The following AUTS2 variants were observed in gnomAD, a reference collection of about 807,000 sequenced individuals.
The protein encoded by AUTS2 is activator of transcription and developmental regulator AUTS2.
In AUTS2, 17 loss-of-function variants were observed where a neutral mutation model predicts 112.4. The observed-to-expected ratio is 0.15, with a 90% CI of 0.10 to 0.23. The LOEUF (loss-of-function observed/expected upper bound fraction) is 0.23. Among genes scored for constraint, AUTS2 ranks in the 10% least tolerant of loss-of-function variants. The probability of loss-of-function intolerance (pLI) is 1.00; values close to 1 mark genes in which losing one functional copy is unlikely to be tolerated. For missense variants in AUTS2, 1,510 were observed against 1,701.6 expected, an observed-to-expected ratio of 0.89 and a Z score of 1.98; for synonymous variants, 751 against 702.7, an observed-to-expected ratio of 1.07 and a Z score of -1.09.
At chr7:70,059,679 A>T (rs1229763950) in intron 2 of AUTS2, among the ~76,000 whole-genome samples, 12 of 152,138 alleles carry the variant, frequency 7.9e-5, no homozygotes, top group Admixed American at 7.9e-4. Context: ...CTGGCACAGT[A>T]TGTGATTTTC....
intron 1 of AUTS2, among the ~76,000 whole-genome samples, chr7:69,638,339 A>G (rs1216050953): frequency 6.6e-6 from 1 of 152,198 alleles, no homozygotes; most frequent in Non-Finnish European, 1.5e-5. Flanking sequence ...AATTAAAGAC[A>G]TAGAAGTTCA....
At chr7:70,271,105 CCT>C (rs1787672857) in intron 4 of AUTS2, among the ~76,000 whole-genome samples, 1 of 152,038 alleles carries the variant, frequency 6.6e-6, no homozygotes, top group Admixed American at 6.6e-5. Context: ...ATGTCCTTGG[CCT>C]CTCTTCTGCA....
chr7:69,870,313 A>C (rs915503382), intron 1 of AUTS2, among the ~76,000 whole-genome samples: 2 of 151,572 alleles, frequency 1.3e-5, no homozygotes, highest in Non-Finnish European at 2.9e-5. Flanking sequence ...CTTAAGTTAA[A>C]GCTAAAGTAG....
chr7:69,981,209 C>T (rs749865628), intron 2 of AUTS2, among the ~76,000 whole-genome samples: 20 of 152,070 alleles, frequency 1.3e-4, no homozygotes, highest in Admixed American at 2.6e-4. Flanking sequence ...CTGTGGTACA[C>T]GGGTGTCTTA....
chr7:70,371,820 G>A (rs1228084041), intron 4 of AUTS2, among the ~76,000 whole-genome samples: 4 of 152,130 alleles, frequency 2.6e-5, no homozygotes, highest in Admixed American at 1.3e-4. Context: ...ATTTGAACAC[G>A]TGCCATTTCT....
At chr7:70,648,423 T>C (rs4718976) in intron 5 of AUTS2, among the ~76,000 whole-genome samples, 101,284 of 151,992 alleles carry the variant, frequency 0.67, 33,845 homozygotes, top group South Asian at 0.77. Context: ...GCATCTGTGG[T>C]GAGTTTGCAG....
chr7:70,658,104 A>G (rs1393677331), intron 5 of AUTS2, among the ~76,000 whole-genome samples: 1 of 152,260 alleles, frequency 6.6e-6, no homozygotes, highest in Non-Finnish European at 1.5e-5. Context: ...CAATTGGACT[A>G]TAATGAGAGT....
At chr7:70,778,512 GAACCC>G (rs1372212278) in intron 14 of AUTS2, among the ~76,000 whole-genome samples, 1 of 151,054 alleles carries the variant, frequency 6.6e-6, no homozygotes, top group Non-Finnish European at 1.5e-5. Context: ...TGAGGCAGGA[GAACCC>G]CTTGAGCCTG....
intron 4 of AUTS2, among the ~76,000 whole-genome samples, chr7:70,379,159 G>A (rs564155045): frequency 1.7e-4 from 26 of 152,086 alleles, no homozygotes; most frequent in Admixed American, 1.3e-3. Flanking sequence ...CCTACAACTC[G>A]TAGGCTAGGT....
chr7:70,264,725 GAATGGAT>G (rs1787335237), intron 4 of AUTS2, among the ~76,000 whole-genome samples: 1 of 152,116 alleles, frequency 6.6e-6, no homozygotes, highest in South Asian at 2.1e-4. Context: ...TTTCCTTGAA[GAATGGAT>G]AGTTTTAGGG....
At chr7:70,496,835 CT>C (rs1798553288) in intron 5 of AUTS2, among the ~76,000 whole-genome samples, 1 of 140,042 alleles carries the variant, frequency 7.1e-6, no homozygotes, top group Admixed American at 7.2e-5. Context: ...CGATCACACA[CT>C]CCACGTACAC....
At chr7:70,486,982 C>T (rs1366143492) in intron 5 of AUTS2, among the ~76,000 whole-genome samples, 3 of 150,732 alleles carry the variant, frequency 2.0e-5, no homozygotes, top group African/African-American at 7.3e-5. Context: ...CCCACAGGGC[C>T]TTTCCCTGTA....
intron 5 of AUTS2, among the ~76,000 whole-genome samples, chr7:70,676,883 A>AC (rs1015380098): frequency 6.6e-6 from 1 of 151,948 alleles, no homozygotes; most frequent in Admixed American, 6.6e-5. Flanking sequence ...ATCTCAAAAA[A>AC]AAAAGTTCAC....
intron 2 of AUTS2, among the ~76,000 whole-genome samples, chr7:70,107,862 A>C (rs1218183166): frequency 6.6e-6 from 1 of 151,174 alleles, no homozygotes; most frequent in Non-Finnish European, 1.5e-5. Context: ...AAATACAAAA[A>C]TTCGCTGGGC....
chr7:69,887,574 T>C (rs1315105679), intron 1 of AUTS2, among the ~76,000 whole-genome samples: 1 of 152,132 alleles, frequency 6.6e-6, no homozygotes, highest in Non-Finnish European at 1.5e-5. Flanking sequence ...CTAGAGACAT[T>C]GTTCACTTAA....
intron 5 of AUTS2, among the ~76,000 whole-genome samples, chr7:70,541,965 A>T (rs1563028197): frequency 1.3e-5 from 2 of 152,220 alleles, no homozygotes; most frequent in Non-Finnish European, 2.9e-5. Context: ...GCTGATGTGA[A>T]TGTGGAACCT....
At chr7:69,935,024 G>A (rs1796356576) in intron 2 of AUTS2, among the ~76,000 whole-genome samples, 1 of 152,102 alleles carries the variant, frequency 6.6e-6, no homozygotes, top group Admixed American at 6.5e-5. Flanking sequence ...TTCTCTTACT[G>A]CTTTTTTCAC....
chr7:70,070,820 C>A (rs571601732), intron 2 of AUTS2, among the ~76,000 whole-genome samples: 2 of 150,218 alleles, frequency 1.3e-5, no homozygotes, highest in Non-Finnish European at 3.0e-5. Context: ...TGCGGTGAGC[C>A]GCGATCAAGA....
rs532051734 is a variant in AUTS2, at chr7:70,635,739, GTTTTCATTTCCCTGCTTA to G, written c.691-62829_691-62812del. Among the ~76,000 whole-genome samples, 24 of 152,282 alleles carry G rather than the reference GTTTTCATTTCCCTGCTTA, an allele frequency of 1.6e-4. 2 individuals are homozygous for G. In the South Asian group the frequency reaches 2.5e-3, roughly 16 times the overall value. On this transcript the variant is annotated intron_variant, in intron 5 of 18. Coordinates refer to ENST00000342771, the MANE Select transcript of AUTS2 (RefSeq NM_015570.4). Reference sequence around the variant, plus strand: ...ATTTGTGTTCTTTCCATATTGGCAGGTTTTCATTTCCCTGCTTAACATGACTAAGGACTGCAGGACCTG... The same window carrying G: ...ATTTGTGTTCTTTCCATATTGGCAGGACATGACTAAGGACTGCAGGACCTG...
Sources: allele counts gnomAD v4.1 joint callset (sites outside exome capture counted in the v4.1 genomes callset), GRCh38; gene constraint gnomAD v4.1.1; transcripts MANE v1.5; gene names NCBI Gene and HGNC (gene_info 2026-07-23, HGNC 2026-07-21).